DLGAP1: variants seen among roughly 807,000 people sequenced by gnomAD.
DLGAP1 encodes the protein DLG associated protein 1, also known as disks large-associated protein 1.
A neutral mutation model predicts 90.8 loss-of-function variants in DLGAP1; 11 were observed. That is an observed-to-expected ratio of 0.12 (90% CI 0.08 to 0.20). DLGAP1 has a LOEUF of 0.20. Among genes scored for constraint, DLGAP1 ranks in the 10% least tolerant of loss-of-function variants. The pLI is 1.00. For missense variants in DLGAP1, 1,050 were observed against 1,333.8 expected (o/e 0.79, Z 3.31); for synonymous variants, 558 against 540.7 (o/e 1.03, Z -0.44).
chr18:3,957,573 G>C (rs2073107656), intron 3 of DLGAP1, among the ~76,000 whole-genome samples: 1 of 151,896 alleles, frequency 6.6e-6, no homozygotes, highest in Non-Finnish European at 1.5e-5. Flanking sequence ...TTAGACATTT[G>C]TTAATATCCA....
At chr18:4,381,811 G>A (rs1395003880) in intron 1 of DLGAP1, among the ~76,000 whole-genome samples, 5 of 152,032 alleles carry the variant, frequency 3.3e-5, no homozygotes, top group African/African-American at 1.2e-4. Context: ...CTGTTTTCAT[G>A]CTGCTGATAA....
chr18:4,269,352 A>ATTT (rs1354735064), intron 1 of DLGAP1, among the ~76,000 whole-genome samples: 299 of 131,222 alleles, frequency 2.3e-3, no homozygotes, highest in South Asian at 5.7e-3. Context: ...ATATATATAT[A>ATTT]TATTTTTTTT....
intron 7 of DLGAP1, among the ~76,000 whole-genome samples, chr18:3,726,426 A>G (rs1330551498): frequency 2.0e-5 from 3 of 151,180 alleles, no homozygotes; most frequent in South Asian, 4.2e-4. Flanking sequence ...AGAAAAAGAG[A>G]AGGAAATGCG....
chr18:4,230,210 G>T (rs1305724264), intron 1 of DLGAP1, among the ~76,000 whole-genome samples: 1 of 152,058 alleles, frequency 6.6e-6, no homozygotes, highest in Non-Finnish European at 1.5e-5. Flanking sequence ...AACCACAATG[G>T]AAAACAGTTT....
chr18:4,180,745 A>G (rs2077193661), intron 1 of DLGAP1, among the ~76,000 whole-genome samples: 1 of 151,996 alleles, frequency 6.6e-6, no homozygotes, highest in Non-Finnish European at 1.5e-5. Context: ...TAGATGGGGA[A>G]GGTTTACAAA....
chr18:4,079,336 C>CACACACACA, intron 2 of DLGAP1, among the ~76,000 whole-genome samples: 2 of 138,650 alleles, frequency 1.4e-5, no homozygotes, highest in South Asian at 2.4e-4. Context: ...CACACACACA[C>CACACACACA]CATGGAATAC....
chr18:3,523,326 A>G (rs1273168123), intron 10 of DLGAP1, among the ~76,000 whole-genome samples: 1 of 151,800 alleles, frequency 6.6e-6, no homozygotes, highest in East Asian at 1.9e-4. Flanking sequence ...GCAGTGAGCC[A>G]AGATCACACT....
intron 1 of DLGAP1, among the ~76,000 whole-genome samples, chr18:4,283,568 C>T (rs2079606287): frequency 6.6e-6 from 1 of 152,154 alleles, no homozygotes; most frequent in Non-Finnish European, 1.5e-5. Flanking sequence ...TCCACACACC[C>T]TTTTCTTCAA....
At position 3,880,047 on chromosome 18, in the gene DLGAP1, G is replaced by A. The variant is rs756157301; in HGVS notation, c.22C>T (p.Arg8Cys). 7 of 1,603,282 alleles carry A rather than the reference G, an allele frequency of 4.4e-6. No homozygotes were observed. In the African/African-American group the frequency reaches 5.3e-5, roughly 12 times the overall value. Residue 8 changes from arginine to cysteine, a missense_variant, in exon 4 of 13, where the codon CGC becomes TGC. By Grantham distance (180) the Arg-to-Cys change is radical (BLOSUM62 -3). This residue lies in a region of DLGAP1 where 485 missense variants were observed against 454.1 expected (regional missense o/e 1.07). Coordinates refer to ENST00000315677, the MANE Select transcript of DLGAP1 (RefSeq NM_004746.4). ...CAGGTGACCCCGTGGTGATGGCTGC[G>A]GCTGCCTGATAGCCCTTTCATGGCG... MKGLSGS[R>C]SHHHGVTCDS... is the part of the protein sequence containing the mutation.
chr18:3,498,500 T>C lies in DLGAP1; in HGVS notation c.*685A>G, dbSNP rs1315059133. 2 of 152,200 alleles carry C rather than the reference T, an allele frequency of 1.3e-5. No individual in the cohort carries two copies. The highest frequency in any genetic ancestry group is 2.9e-5 in the Non-Finnish European group (2 of 68,038). 9.4% of individuals were successfully genotyped at this position (152,200 alleles called of 1,614,324 possible). A position where few individuals can be genotyped will look rare whatever the true frequency, so the allele number is the denominator to read the frequency against. The stretch of plus-strand genomic sequence containing the variant: ...ACATTTGAAGCTGTGATTGATGAAG[T>C]AACAGTGAGGCAGTTTGTGCAGCTG... On this transcript the variant is annotated 3_prime_UTR_variant, in exon 13 of 13. Transcript: ENST00000315677.
chr18:3,657,909 G>C (rs2059558226), intron 7 of DLGAP1, among the ~76,000 whole-genome samples: 1 of 152,084 alleles, frequency 6.6e-6, no homozygotes, highest in Admixed American at 6.5e-5. Flanking sequence ...CGGCTCCCAT[G>C]GAATTCTTTT....
chr18:4,118,250 C>A (rs1472485003), intron 2 of DLGAP1, among the ~76,000 whole-genome samples: 1 of 152,122 alleles, frequency 6.6e-6, no homozygotes, highest in Non-Finnish European at 1.5e-5. Flanking sequence ...AGTTCTTCGT[C>A]CCTGAGATCT....
intron 3 of DLGAP1, among the ~76,000 whole-genome samples, chr18:3,931,825 C>T (rs2072522435): frequency 6.6e-6 from 1 of 152,026 alleles, no homozygotes; most frequent in South Asian, 2.1e-4. Flanking sequence ...CAAGTGTGGC[C>T]TATAAATATA....
In DLGAP1 at chr18:4,199,437, C is replaced by T. The variant is rs139007562; in HGVS notation, c.-266-48150G>A. On this transcript the variant is annotated intron_variant, in intron 1 of 12. Coordinates refer to ENST00000315677, the MANE Select transcript of DLGAP1 (RefSeq NM_004746.4). ...AATTGGAAACATTTTTGTATTCTGA[C>T]TCATTGGTACATAGTGTGTATTTTA... is the stretch of plus-strand genomic sequence containing the variant. Among the ~76,000 whole-genome samples the T allele has an allele frequency of 7.7e-4, 118 of 152,334 alleles. 2 individuals carry two copies. Among genetic ancestry groups the T allele is most frequent in the African/African-American group, 2.6e-3 (108 of 41,576 alleles).
At chr18:4,208,602 G>A (rs2077771465) in intron 1 of DLGAP1, among the ~76,000 whole-genome samples, 1 of 152,122 alleles carries the variant, frequency 6.6e-6, no homozygotes, top group Admixed American at 6.6e-5. Context: ...TGGGAGTTTC[G>A]CAATAGGGAA....
chr18:3,738,486 C>T (rs1291816844), intron 6 of DLGAP1, among the ~76,000 whole-genome samples: 3 of 148,862 alleles, frequency 2.0e-5, no homozygotes, highest in Non-Finnish European at 4.5e-5. Context: ...CTACAACTAT[C>T]TGATCTTTGA....
At chr18:4,148,596 G>A (rs1194924393) in intron 2 of DLGAP1, among the ~76,000 whole-genome samples, 3 of 152,108 alleles carry the variant, frequency 2.0e-5, no homozygotes, top group African/African-American at 4.8e-5. Context: ...TTTGCATGTC[G>A]TGGATCCTCT....
intron 1 of DLGAP1, among the ~76,000 whole-genome samples, chr18:4,389,822 A>T (rs2082305024): frequency 6.6e-6 from 1 of 152,218 alleles, no homozygotes; most frequent in African/African-American, 2.4e-5. Context: ...GCACACAATG[A>T]CGTCTATTAA....
At chr18:3,866,144 G>A (rs2070368446) in intron 4 of DLGAP1, among the ~76,000 whole-genome samples, 1 of 152,200 alleles carries the variant, frequency 6.6e-6, no homozygotes, top group African/African-American at 2.4e-5. Flanking sequence ...GAGTCAATCA[G>A]GAACTCCTGG....
Sources: allele counts gnomAD v4.1 joint callset (sites outside exome capture counted in the v4.1 genomes callset), GRCh38; gene constraint gnomAD v4.1.1; regional missense constraint gnomAD v4.1.1; transcripts MANE v1.5; gene names NCBI Gene and HGNC (gene_info 2026-07-23, HGNC 2026-07-21).